Variants in TANGO6 observed in about 807,000 individuals in gnomAD.
TANGO6 encodes transport and Golgi organization protein 6 homolog.
Under a neutral mutation model 114.2 loss-of-function variants are expected in TANGO6, and 90 were observed. The observed-to-expected ratio is 0.79, with a 90% CI of 0.66 to 0.94. TANGO6 has a LOEUF of 0.94. TANGO6 is among the 40% of genes least tolerant of loss of function. TANGO6 has a pLI of 0.00. For synonymous variants in TANGO6, 477 were observed against 509.8 expected, an observed-to-expected ratio of 0.94 and a Z score of 0.87; for missense variants, 1,274 against 1,315.3, an observed-to-expected ratio of 0.97 and a Z score of 0.49.
chr16:68,861,004 C>T (rs1303198952), intron 2 of TANGO6, among the ~76,000 whole-genome samples: 4 of 152,256 alleles, frequency 2.6e-5, no homozygotes, highest in African/African-American at 9.6e-5. Context: ...TGTCAATGTT[C>T]ATTGTTATTA....
At chr16:69,019,996 T>C (rs1023024120) in intron 15 of TANGO6, among the ~76,000 whole-genome samples, 3 of 152,382 alleles carry the variant, frequency 2.0e-5, no homozygotes, top group African/African-American at 7.2e-5. Context: ...CATGTGTTGC[T>C]TAACAATGGG....
rs148729737 is a variant in TANGO6 at position 68,963,762 on chromosome 16, G to A, written c.2702-10266G>A. Among the ~76,000 whole-genome samples the A allele has an allele frequency of 2.4e-4, 37 of 152,258 alleles. No homozygotes were observed. In the East Asian group the frequency reaches 6.4e-3, roughly 26 times the overall value. ...CCTAGTGCAGTCGTCAGCCTTCCCT[G>A]CACATTTGCTTCCTTTTCTGCGTAC... On this transcript the variant is annotated intron_variant, in intron 14 of 17. Transcript: ENST00000261778.
chr16:68,968,458 G>C (rs146302141), intron 14 of TANGO6, among the ~76,000 whole-genome samples: 1 of 150,224 alleles, frequency 6.7e-6, no homozygotes, highest in African/African-American at 2.4e-5. Flanking sequence ...TCCACCTCCC[G>C]GGTTCAAGTG....
At chr16:69,074,805 T>TGA (rs1190279328) in intron 17 of TANGO6, among the ~76,000 whole-genome samples, 2 of 119,302 alleles carry the variant, frequency 1.7e-5, no homozygotes, top group Non-Finnish European at 3.5e-5. Flanking sequence ...TGCCTGTGTG[T>TGA]GTGTGTGTGT....
chr16:68,899,411 T>G (rs1962753751), intron 7 of TANGO6, among the ~76,000 whole-genome samples: 1 of 152,214 alleles, frequency 6.6e-6, no homozygotes, highest in South Asian at 2.1e-4. Context: ...AGTAAAAGTT[T>G]GTTGAATTGA....
intron 4 of TANGO6, among the ~76,000 whole-genome samples, chr16:68,872,060 C>G (rs1020588588): frequency 2.0e-5 from 3 of 151,798 alleles, no homozygotes; most frequent in African/African-American, 7.2e-5. Context: ...TGAAAGCCTG[C>G]CTCTACTAAA....
intron 16 of TANGO6, among the ~76,000 whole-genome samples, chr16:69,032,718 A>T (rs1052023088): frequency 7.9e-5 from 12 of 152,136 alleles, no homozygotes; most frequent in Admixed American, 2.6e-4. Flanking sequence ...CTCTACTAAA[A>T]ATACAAAAAA....
chr16:68,940,041 CCCTT>C (rs930336512), intron 14 of TANGO6, among the ~76,000 whole-genome samples: 1 of 151,656 alleles, frequency 6.6e-6, no homozygotes, highest in Non-Finnish European at 1.5e-5. Context: ...TTCCCTCCCT[CCCTT>C]CCTTCCTTCA....
chr16:69,060,989 TA>T (rs375549591), intron 17 of TANGO6, among the ~76,000 whole-genome samples: 16 of 142,884 alleles, frequency 1.1e-4, no homozygotes, highest in South Asian at 2.2e-4. Context: ...AGACTCCGTC[TA>T]AAAAAAAAAC....
At chr16:69,045,190 C>T (rs987035888) in intron 17 of TANGO6, among the ~76,000 whole-genome samples, 2 of 148,364 alleles carry the variant, frequency 1.3e-5, no homozygotes, top group Non-Finnish European at 3.0e-5. Flanking sequence ...CGCGGCGACT[C>T]ACACCTATAA....
chr16:69,054,144 G>A (rs1437926670), intron 17 of TANGO6, among the ~76,000 whole-genome samples: 2 of 152,208 alleles, frequency 1.3e-5, no homozygotes, highest in Non-Finnish European at 2.9e-5. Context: ...AGTGGAAAGA[G>A]AAGGATGGAG....
chr16:68,909,259 C>A lies in TANGO6; in HGVS notation c.1849C>A (p.Pro617Thr), dbSNP rs981323671. ...AAATGAAACAGAGTTAAAAACTGAG[C>A]CCTTCTCCAGCAAGAGCCTCTTGGA... ...SENETELKTE[P>T]FSSKSLLELE... is the part of the protein sequence containing the mutation. Residue 617 changes from proline to threonine, a missense_variant, in exon 11 of 18, where the codon CCC becomes ACC. Pro to Thr is a conservative substitution (Grantham distance 38, BLOSUM62 -1). Transcript: ENST00000261778. 3.6e-5 allele frequency: 58 copies of A among 1,604,956 alleles called. No individual in the cohort carries two copies. The highest frequency in any genetic ancestry group is 4.9e-5 in the Non-Finnish European group (58 of 1,175,578).
Position 68,859,938 on chromosome 16 carries a change from T to G in TANGO6, c.149T>G (p.Leu50Ter). 6.2e-7 allele frequency: 1 copy of G among 1,608,180 alleles called. No individual in the cohort carries two copies. Among genetic ancestry groups the G allele is most frequent in the Non-Finnish European group, 8.5e-7 (1 of 1,176,286 alleles). The change falls in exon 2 of 18, where the codon TTA (leucine) becomes TGA (stop). Residue 50 changes from leucine (L) to a stop codon, truncating the protein, a stop_gained. Coordinates refer to ENST00000261778, the MANE Select transcript of TANGO6 (RefSeq NM_024562.2). LOFTEE classifies it high-confidence loss of function. ...AAACATGATGTCTTGTTGGCTACTT[T>G]AAAATCTAACCTGTCTGCTTTGGAG... ...VTKHDVLLATLKSNLSALEDK... is the reference protein window; with the variant it reads ...VTKHDVLLAT
intron 5 of TANGO6, among the ~76,000 whole-genome samples, chr16:68,877,799 A>T (rs972132389): frequency 2.6e-4 from 39 of 152,134 alleles, no homozygotes; most frequent in African/African-American, 8.9e-4. Context: ...TAGTAGAGAC[A>T]GGGTTTCACT....
intron 1 of TANGO6, among the ~76,000 whole-genome samples, chr16:68,848,206 G>T (rs1005318403): frequency 1.3e-5 from 2 of 152,040 alleles, no homozygotes; most frequent in South Asian, 4.2e-4. Context: ...TTCTGGGCTC[G>T]GGTGATGCTT....
At chr16:68,997,838 A>G (rs1964005741) in intron 15 of TANGO6, among the ~76,000 whole-genome samples, 1 of 152,090 alleles carries the variant, frequency 6.6e-6, no homozygotes, top group Non-Finnish European at 1.5e-5. Flanking sequence ...CTTAATCCTA[A>G]GGGTTGTAAA....
Position 69,083,695 on chromosome 16 carries a change from G to A in TANGO6, c.*34G>A. ...CCAAGGACGTGGAGGAGGCAGGCAG[G>A]GCCAGGCACCCAGAGCCGTGCCCAG... On this transcript the variant is annotated 3_prime_UTR_variant, in exon 18 of 18. Coordinates refer to ENST00000261778, the MANE Select transcript of TANGO6 (RefSeq NM_024562.2). 1 of 1,543,204 alleles carries A rather than the reference G, an allele frequency of 6.5e-7. No individual in the cohort carries two copies.
intron 17 of TANGO6, among the ~76,000 whole-genome samples, chr16:69,061,669 C>T (rs1451960990): frequency 6.6e-6 from 1 of 152,138 alleles, no homozygotes; most frequent in Admixed American, 6.6e-5. Flanking sequence ...TGCCATAATG[C>T]TTGCTCCCAG....
intron 10 of TANGO6, among the ~76,000 whole-genome samples, chr16:68,907,802 C>T (rs1261085922): frequency 8.5e-5 from 13 of 152,118 alleles, no homozygotes; most frequent in Admixed American, 8.5e-4. Context: ...TCCAAGTAAT[C>T]GGCACTGACA....
Sources: gnomAD v4.1 joint callset for allele counts (sites outside exome capture counted in the v4.1 genomes callset) on GRCh38, gnomAD v4.1.1 for gene constraint, MANE v1.5 for transcripts, NCBI Gene and HGNC (gene_info 2026-07-23, HGNC 2026-07-21) for gene names.